Variants in BCR observed in about 807,000 individuals in gnomAD.
BCR encodes the protein BCR activator of RhoGEF and GTPase.
A neutral mutation model predicts 138.6 loss-of-function variants in BCR; 58 were observed. That is an observed-to-expected ratio of 0.42 (90% CI 0.34 to 0.52). The LOEUF (loss-of-function observed/expected upper bound fraction) is 0.52, where lower values mean the gene tolerates loss of function less well. Among genes scored for constraint, BCR ranks in the 20% least tolerant of loss-of-function variants. BCR has a pLI of 0.06. For missense variants in BCR, 1,599 were observed against 1,727.2 expected (o/e 0.93, Z 1.32); for synonymous variants, 786 against 730.1 (o/e 1.08, Z -1.23).
At chr22:23,303,969 C>T (rs1010296136) in intron 16 of BCR, among the ~76,000 whole-genome samples, 5 of 122,186 alleles carry the variant, frequency 4.1e-5, no homozygotes, top group Non-Finnish European at 8.0e-5. Context: ...GGGTCTTGCT[C>T]TGTTGCCCAG....
chr22:23,299,264 G>C (rs938506620), intron 16 of BCR, among the ~76,000 whole-genome samples: 4 of 152,148 alleles, frequency 2.6e-5, no homozygotes, highest in Admixed American at 2.6e-4. Context: ...GATTACAGGC[G>C]TGAGCCACCA....
intron 1 of BCR, among the ~76,000 whole-genome samples, chr22:23,191,908 G>A (rs567438881): frequency 6.6e-6 from 1 of 152,292 alleles, no homozygotes; most frequent in South Asian, 2.1e-4. Context: ...CTTCTTTGCT[G>A]GTGATTGGTA....
intron 1 of BCR, among the ~76,000 whole-genome samples, chr22:23,195,855 T>A (rs1416211212): frequency 6.6e-6 from 1 of 152,220 alleles, no homozygotes; most frequent in Non-Finnish European, 1.5e-5. Flanking sequence ...GCCATTGCAC[T>A]CTGGCCTGGG....
chr22:23,271,725 A>G (rs562230088), intron 6 of BCR, 133 bp downstream of exon 6: 1 of 838,608 alleles, frequency 1.2e-6, no homozygotes, highest in Admixed American at 2.1e-5. Context: ...CTCTCTTCAG[A>G]TAGAGTGGGC....
chr22:23,315,248 C>G (rs569059100), intron 22 of BCR, among the ~76,000 whole-genome samples, 185 bp from the exon 23 acceptor site: 2 of 151,856 alleles, frequency 1.3e-5, no homozygotes, highest in South Asian at 2.1e-4. Flanking sequence ...AACCACCCCC[C>G]ACCCAACAAG....
chr22:23,220,825 C>T (rs1379493734), intron 1 of BCR, among the ~76,000 whole-genome samples: 1 of 152,206 alleles, frequency 6.6e-6, no homozygotes, highest in East Asian at 1.9e-4. Flanking sequence ...AGCCAGTTTG[C>T]ACTGTGGGCT....
intron 1 of BCR, among the ~76,000 whole-genome samples, chr22:23,241,106 C>T (rs1421270727): frequency 2.0e-5 from 3 of 152,208 alleles, no homozygotes; most frequent in Non-Finnish European, 1.5e-5. Flanking sequence ...TTGCTGCCAC[C>T]TCTTGGCCAT....
At chr22:23,225,199 T>C (rs2072875110) in intron 1 of BCR, among the ~76,000 whole-genome samples, 1 of 151,988 alleles carries the variant, frequency 6.6e-6, no homozygotes, top group Non-Finnish European at 1.5e-5. Flanking sequence ...TGCTTTTTTT[T>C]TTTTTTTCCT....
At position 23,264,419 on chromosome 22, in the gene BCR, C is replaced by G; in HGVS notation, c.1752+2879C>G. The G allele has an allele frequency of 4.1e-6, 3 of 731,204 alleles. No individual in the cohort carries two copies. The South Asian group carries it at 4.7e-5, about 11-fold the overall frequency. 45.3% of individuals were successfully genotyped at this position (731,204 alleles called of 1,614,324 possible). A position where few individuals can be genotyped will look rare whatever the true frequency, so the allele number is the denominator to read the frequency against. On this transcript the variant is annotated intron_variant, in intron 4 of 22. Transcript: ENST00000305877. ...ACCAGTGAGTCAGGGACCTCTCTTG[C>G]ATGAAGGGTGCAGTGATAGTTCCTC... is the stretch of plus-strand genomic sequence containing the variant.
chr22:23,287,105 T>G, intron 10 of BCR, 54 bp from the exon 11 acceptor site: 1 of 1,555,064 alleles, frequency 6.4e-7, no homozygotes, highest in Non-Finnish European at 8.7e-7. Flanking sequence ...GGAATGGGAG[T>G]GGGTTGTGTG....
At chr22:23,217,697 A>T (rs928627404) in intron 1 of BCR, among the ~76,000 whole-genome samples, 1 of 152,208 alleles carries the variant, frequency 6.6e-6, no homozygotes, top group Non-Finnish European at 1.5e-5. Context: ...TCCTAAACAG[A>T]TGGTTATTTG....
At chr22:23,248,062 G>T (rs2073175512) in intron 1 of BCR, among the ~76,000 whole-genome samples, 1 of 152,174 alleles carries the variant, frequency 6.6e-6, no homozygotes, top group Non-Finnish European at 1.5e-5. Context: ...TTCTTTTAGA[G>T]GCTGGGCGCA....
chr22:23,184,518 GA>G (rs1330296836), intron 1 of BCR, among the ~76,000 whole-genome samples: 1 of 152,030 alleles, frequency 6.6e-6, no homozygotes, highest in Admixed American at 6.6e-5. Flanking sequence ...AATTGATCGG[GA>G]AATATAGCAA....
rs375045834 is a variant in BCR, at chr22:23,229,448, A to G, written c.1280-24351A>G. On this transcript the variant is annotated intron_variant, in intron 1 of 22. Coordinates refer to ENST00000305877, the MANE Select transcript of BCR (RefSeq NM_004327.4). ...TGGACATCTTGAGTGTAATATTATG[A>G]GACTCCGGACCCTGTTTAAATGTTC... Among the ~76,000 whole-genome samples the G allele has an allele frequency of 3.3e-5, 5 of 151,744 alleles. No homozygotes were observed. The East Asian group carries it at 9.7e-4, about 29-fold the overall frequency.
chr22:23,281,937 C>T (rs188979773), intron 8 of BCR, among the ~76,000 whole-genome samples: 3 of 152,206 alleles, frequency 2.0e-5, no homozygotes, highest in Non-Finnish European at 4.4e-5. Flanking sequence ...GAGGGAGCTG[C>T]GTTTCTTGAC....
Position 23,264,213 on chromosome 22 carries a change from G to C in BCR, c.1752+2673G>C, listed in dbSNP as rs2073409612. On this transcript the variant is annotated intron_variant, in intron 4 of 22. Coordinates refer to ENST00000305877, the MANE Select transcript of BCR (RefSeq NM_004327.4). ...CTTCTATAGCGTTGTACGGCTGTGG[G>C]ACCGGCACCAAAGGGCCTGCCCGCA... is the stretch of plus-strand genomic sequence containing the variant. 2.6e-6 allele frequency: 3 copies of C among 1,157,976 alleles called. No individual in the cohort carries two copies. In the South Asian group the frequency reaches 3.7e-5, roughly 14 times the overall value. The allele number at this position is 1,157,976 out of a possible 1,614,324, so 71.7% of individuals were successfully genotyped here.
intron 1 of BCR, among the ~76,000 whole-genome samples, chr22:23,227,232 C>T (rs571564891): frequency 6.6e-6 from 1 of 152,188 alleles, no homozygotes; most frequent in Non-Finnish European, 1.5e-5. Context: ...TACCACCTTC[C>T]GTACCTACTG....
Position 23,187,244 on chromosome 22 carries a change from C to CT in BCR, c.1279+5006dup, listed in dbSNP as rs150850769. ...TCATTTCATCCCTGTAGTTTACTTT[C>CT]TGAGGATCTTTTTTTTTTAAGTGGC... is the stretch of plus-strand genomic sequence containing the variant. On this transcript the variant is annotated intron_variant, in intron 1 of 22. Transcript: ENST00000305877. 2.9e-3 allele frequency among the ~76,000 whole-genome samples: 417 copies of CT among 144,278 alleles called. 3 individuals carry two copies. The highest frequency in any genetic ancestry group is 0.01 in the African/African-American group (407 of 38,926). The allele number at this position is 144,278 out of a possible 152,430, so 94.7% of individuals were successfully genotyped here. A position where few individuals can be genotyped will look rare whatever the true frequency, so the allele number is the denominator to read the frequency against.
intron 1 of BCR, among the ~76,000 whole-genome samples, chr22:23,184,686 G>C (rs890783757): frequency 2.0e-5 from 3 of 152,130 alleles, no homozygotes; most frequent in African/African-American, 7.2e-5. Flanking sequence ...TCTTGGTGTT[G>C]TACAGTCTAT....
Sources: allele counts gnomAD v4.1 joint callset (sites outside exome capture counted in the v4.1 genomes callset), GRCh38; gene constraint gnomAD v4.1.1; transcripts MANE v1.5; gene names NCBI Gene and HGNC (gene_info 2026-07-23, HGNC 2026-07-21).